SLX4IP: variants seen among roughly 807,000 people sequenced by gnomAD.
SLX4IP encodes the protein SLX4 interacting protein.
Under a neutral mutation model 32.9 loss-of-function variants are expected in SLX4IP, and 34 were observed. The ratio of observed to expected loss-of-function variants is 1.03; its 90% confidence interval spans 0.79 to 1.38. The LOEUF (loss-of-function observed/expected upper bound fraction) is 1.38, where lower values mean the gene tolerates loss of function less well. SLX4IP is among the 40% of genes most tolerant of loss of function. The pLI, the probability that SLX4IP is intolerant of heterozygous loss-of-function variation, is 0.00. For missense variants in SLX4IP, 444 were observed against 479.0 expected (o/e 0.93, Z 0.68); for synonymous variants, 172 against 171.7 (o/e 1.00, Z -0.01).
intron 2 of SLX4IP, 26 bp downstream of exon 2, chr20:10,458,257 A>G: frequency 1.3e-6 from 2 of 1,553,964 alleles, no homozygotes; most frequent in Non-Finnish European, 8.7e-7. Flanking sequence ...TAGCTTTTTA[A>G]AAAGAGGCTA....
At chr20:10,478,962 G>C (rs2065497141) in intron 2 of SLX4IP, among the ~76,000 whole-genome samples, 1 of 152,236 alleles carries the variant, frequency 6.6e-6, no homozygotes, top group African/African-American at 2.4e-5. Context: ...TGGAGAAAAA[G>C]GCGTATTACC....
intron 4 of SLX4IP, among the ~76,000 whole-genome samples, chr20:10,567,469 C>T (rs919320313): frequency 6.6e-5 from 10 of 152,268 alleles, no homozygotes; most frequent in Admixed American, 5.9e-4. Flanking sequence ...GTTCAAGGCA[C>T]CATCTTGGAA....
At chr20:10,593,158 C>T (rs1347985129) in intron 4 of SLX4IP, among the ~76,000 whole-genome samples, 1 of 152,158 alleles carries the variant, frequency 6.6e-6, no homozygotes, top group Non-Finnish European at 1.5e-5. Context: ...TGACAAAGTG[C>T]CCTTTCTTAA....
At chr20:10,596,482 G>A (rs1423936315) in intron 4 of SLX4IP, among the ~76,000 whole-genome samples, 2 of 151,940 alleles carry the variant, frequency 1.3e-5, no homozygotes, top group South Asian at 2.1e-4. Context: ...TCCCACTTTG[G>A]CCCCTCAAAG....
At chr20:10,438,556 C>T (rs1434479701) in intron 1 of SLX4IP, among the ~76,000 whole-genome samples, 1 of 148,770 alleles carries the variant, frequency 6.7e-6, no homozygotes, top group Non-Finnish European at 1.5e-5. Flanking sequence ...TGGCTCACTG[C>T]AACCTCCGCC....
intron 2 of SLX4IP, among the ~76,000 whole-genome samples, chr20:10,466,725 G>T (rs192623881): frequency 1.6e-4 from 25 of 152,124 alleles, no homozygotes; most frequent in African/African-American, 4.8e-4. Flanking sequence ...GCTCTTGATG[G>T]GGTTGTCTAC....
chr20:10,460,539 G>A (rs1167066916), intron 2 of SLX4IP, among the ~76,000 whole-genome samples: 2 of 152,186 alleles, frequency 1.3e-5, no homozygotes, highest in Non-Finnish European at 2.9e-5. Flanking sequence ...TCATCCACGT[G>A]CCTGTTCTGC....
At chr20:10,590,064 A>G (rs1237433958) in intron 4 of SLX4IP, among the ~76,000 whole-genome samples, 1 of 152,100 alleles carries the variant, frequency 6.6e-6, no homozygotes, top group Non-Finnish European at 1.5e-5. Flanking sequence ...GTGATATTTG[A>G]CTGGAATTGT....
intron 1 of SLX4IP, among the ~76,000 whole-genome samples, chr20:10,446,746 T>G (rs1048593813): frequency 6.6e-6 from 1 of 152,234 alleles, no homozygotes; most frequent in Non-Finnish European, 1.5e-5. Flanking sequence ...CATATGCTTT[T>G]TTACCATCTG....
At chr20:10,549,454 A>T (rs1302423681) in intron 2 of SLX4IP, among the ~76,000 whole-genome samples, 2 of 152,148 alleles carry the variant, frequency 1.3e-5, no homozygotes, top group Non-Finnish European at 2.9e-5. Flanking sequence ...GTCACCAGGC[A>T]CTAAGGCGTA....
At chr20:10,519,058 T>C (rs555839747) in intron 2 of SLX4IP, among the ~76,000 whole-genome samples, 50 of 152,334 alleles carry the variant, frequency 3.3e-4, no homozygotes, top group African/African-American at 1.2e-3. Flanking sequence ...TGAGGTGTGA[T>C]TTACATATAA....
intron 1 of SLX4IP, among the ~76,000 whole-genome samples, chr20:10,441,933 T>C (rs1452647893): frequency 6.6e-6 from 1 of 152,172 alleles, no homozygotes; most frequent in Non-Finnish European, 1.5e-5. Flanking sequence ...GGTGGTAAGA[T>C]TGGTGCATGT....
chr20:10,573,266 C>T (rs1220243025), intron 4 of SLX4IP, among the ~76,000 whole-genome samples: 1 of 152,196 alleles, frequency 6.6e-6, no homozygotes, highest in African/African-American at 2.4e-5. Context: ...CCAGCCCTTC[C>T]TCCATACAAA....
chr20:10,558,196 C>T (rs538000615), intron 3 of SLX4IP, among the ~76,000 whole-genome samples: 1 of 151,966 alleles, frequency 6.6e-6, no homozygotes, highest in East Asian at 1.9e-4. Context: ...AAAAATTAGC[C>T]AGATGTGGTG....
intron 6 of SLX4IP, among the ~76,000 whole-genome samples, chr20:10,608,829 T>A (rs1350115949): frequency 6.6e-6 from 1 of 152,150 alleles, no homozygotes; most frequent in Non-Finnish European, 1.5e-5. Flanking sequence ...TCCTTCCTGC[T>A]TGAAAGGAGA....
At chr20:10,554,735 T>C (rs2066250153) in intron 2 of SLX4IP, among the ~76,000 whole-genome samples, 1 of 152,224 alleles carries the variant, frequency 6.6e-6, no homozygotes, top group Non-Finnish European at 1.5e-5. Context: ...GCCATTCATT[T>C]ATCCTATTTG....
At chr20:10,475,290 T>A (rs1036269701) in intron 2 of SLX4IP, among the ~76,000 whole-genome samples, 5 of 151,942 alleles carry the variant, frequency 3.3e-5, no homozygotes, top group Non-Finnish European at 7.4e-5. Flanking sequence ...CCCTGGGGAG[T>A]GGAAAGTGAG....
chr20:10,510,419 G>T (rs946182344), intron 2 of SLX4IP, among the ~76,000 whole-genome samples: 1 of 152,140 alleles, frequency 6.6e-6, no homozygotes, highest in Non-Finnish European at 1.5e-5. Context: ...GGCAGCTGGG[G>T]CCACAGGCCC....
intron 1 of SLX4IP, among the ~76,000 whole-genome samples, chr20:10,439,697 A>G (rs1252074410): frequency 5.3e-5 from 8 of 152,232 alleles, no homozygotes; most frequent in Admixed American, 5.2e-4. Flanking sequence ...TTGACTTTTA[A>G]GTGGATTGTT....
Sources: allele counts gnomAD v4.1 joint callset (sites outside exome capture counted in the v4.1 genomes callset), GRCh38; gene constraint gnomAD v4.1.1; transcripts MANE v1.5; gene names NCBI Gene and HGNC (gene_info 2026-07-23, HGNC 2026-07-21).